Variants in PLCH1 observed in about 807,000 individuals in gnomAD.
PLCH1 encodes 1-phosphatidylinositol 4,5-bisphosphate phosphodiesterase eta-1.
Under a neutral mutation model 126.7 loss-of-function variants are expected in PLCH1, and 60 were observed. The ratio of observed to expected loss-of-function variants is 0.47; its 90% confidence interval spans 0.38 to 0.59. PLCH1 has a LOEUF of 0.59. Among genes scored for constraint, PLCH1 ranks in the 20% least tolerant of loss-of-function variants. The probability of loss-of-function intolerance (pLI) is 0.00; values close to 1 mark genes in which losing one functional copy is unlikely to be tolerated. For synonymous variants in PLCH1, 719 were observed against 734.9 expected (o/e 0.98, Z 0.35); for missense variants, 1,723 against 2,040.0 (o/e 0.84, Z 2.99).
chr3:155,581,376 C>T (rs1453035970), intron 6 of PLCH1, among the ~76,000 whole-genome samples: 3 of 152,138 alleles, frequency 2.0e-5, no homozygotes, highest in Non-Finnish European at 4.4e-5. Flanking sequence ...TTCGTAACAG[C>T]CCCCAAAAAG....
intron 6 of PLCH1, among the ~76,000 whole-genome samples, chr3:155,579,932 C>T (rs1730447676): frequency 6.6e-6 from 1 of 152,150 alleles, no homozygotes; most frequent in Non-Finnish European, 1.5e-5. Context: ...CAGACACATA[C>T]ACACACATGC....
In PLCH1 at chr3:155,598,122, T is replaced by C. The variant is rs185425572; in HGVS notation, c.80-1744A>G. On this transcript the variant is annotated intron_variant, in intron 2 of 22. Transcript: ENST00000460012. ...TTGCTTGAACCCGGGAGAAGGAGGT[T>C]GCAGTGAGGTGAGATCACGCCATTG... 3.0e-3 allele frequency among the ~76,000 whole-genome samples: 450 copies of C among 151,628 alleles called. 2 individuals carry two copies. Among genetic ancestry groups the C allele is most frequent in the South Asian group, 0.019 (93 of 4,802 alleles).
intron 1 of PLCH1, among the ~76,000 whole-genome samples, chr3:155,740,799 C>G (rs1460473243): frequency 6.6e-6 from 1 of 152,170 alleles, no homozygotes; most frequent in East Asian, 1.9e-4. Context: ...CGTTGTCATC[C>G]CCATTCTGCC....
At chr3:155,526,390 T>C (rs959101499) in intron 10 of PLCH1, among the ~76,000 whole-genome samples, 2 of 149,666 alleles carry the variant, frequency 1.3e-5, no homozygotes, top group African/African-American at 5.0e-5. Context: ...TCTCTCTCTC[T>C]TCTTTCTCTC....
intron 3 of PLCH1, among the ~76,000 whole-genome samples, chr3:155,595,652 A>G (rs922565753): frequency 5.9e-5 from 9 of 152,112 alleles, no homozygotes; most frequent in Non-Finnish European, 1.2e-4. Context: ...CTATCATGTG[A>G]CTTCTTGGCC....
intron 18 of PLCH1, among the ~76,000 whole-genome samples, chr3:155,491,611 T>A (rs914752093): frequency 2.0e-5 from 3 of 152,188 alleles, no homozygotes; most frequent in African/African-American, 7.2e-5. Context: ...AAGAATAAAG[T>A]TCTCCTATAT....
At chr3:155,463,551 G>A (rs570024773) in intron 21 of PLCH1, among the ~76,000 whole-genome samples, 2 of 152,204 alleles carry the variant, frequency 1.3e-5, no homozygotes, top group Non-Finnish European at 2.9e-5. Flanking sequence ...CATGACCTTG[G>A]GCAAATCACA....
intron 4 of PLCH1, among the ~76,000 whole-genome samples, chr3:155,586,790 T>G (rs1383659319): frequency 6.6e-6 from 1 of 152,196 alleles, no homozygotes; most frequent in African/African-American, 2.4e-5. Context: ...TCAGACATTC[T>G]TATTCAATCT....
At position 155,738,996 on chromosome 3, in the gene PLCH1, C is replaced by G. The variant is rs1283650840; in HGVS notation, c.-41+5844G>C. Among the ~76,000 whole-genome samples the G allele has an allele frequency of 3.3e-5, 5 of 152,142 alleles. No homozygotes were observed. In the East Asian group the frequency reaches 9.6e-4, roughly 29 times the overall value. On this transcript the variant is annotated intron_variant, in intron 1 of 22. Transcript: ENST00000460012. ...GGTGTCTTAGGTATCCATCGCAACT[C>G]AGCCACCAATTGGCTGTGTGAACGA...
intron 6 of PLCH1, among the ~76,000 whole-genome samples, chr3:155,575,927 C>A (rs779400277): frequency 9.9e-5 from 15 of 152,146 alleles, no homozygotes; most frequent in Non-Finnish European, 1.9e-4. Context: ...ATTACAGGGG[C>A]AAACCACTGG....
At chr3:155,731,959 C>A (rs567461926) in intron 1 of PLCH1, among the ~76,000 whole-genome samples, 1 of 145,482 alleles carries the variant, frequency 6.9e-6, no homozygotes, top group Non-Finnish European at 1.5e-5. Flanking sequence ...CTCTATCCAG[C>A]CTGGGTGACA....
At chr3:155,674,051 T>G (rs898098601) in intron 2 of PLCH1, among the ~76,000 whole-genome samples, 2 of 152,170 alleles carry the variant, frequency 1.3e-5, no homozygotes, top group Admixed American at 1.3e-4. Flanking sequence ...GAAAGTAGTA[T>G]TATCTCTTCT....
intron 19 of PLCH1, 37 bp from the exon 20 acceptor site, chr3:155,488,843 A>C: frequency 6.3e-7 from 1 of 1,577,928 alleles, no homozygotes; most frequent in Non-Finnish European, 8.6e-7. Flanking sequence ...AGAAAAGCAA[A>C]GGACTTGGCT....
At chr3:155,511,593 G>A (rs1425106524) in intron 12 of PLCH1, among the ~76,000 whole-genome samples, 6 of 138,742 alleles carry the variant, frequency 4.3e-5, no homozygotes, top group Non-Finnish European at 9.1e-5. Flanking sequence ...CTCAGCTGCA[G>A]GTCTGTTGGA....
At chr3:155,531,815 C>T (rs575256342) in intron 10 of PLCH1, among the ~76,000 whole-genome samples, 9 of 152,318 alleles carry the variant, frequency 5.9e-5, no homozygotes, top group Non-Finnish European at 7.4e-5. Flanking sequence ...TTTTCTTCTG[C>T]AGCTTCCTCA....
chr3:155,541,167 T>C (rs1576954874), intron 10 of PLCH1, among the ~76,000 whole-genome samples: 1 of 152,130 alleles, frequency 6.6e-6, no homozygotes, highest in East Asian at 1.9e-4. Flanking sequence ...TTCTCACTTA[T>C]AAGTGGGAGC....
intron 1 of PLCH1, among the ~76,000 whole-genome samples, chr3:155,720,501 G>A (rs1453882026): frequency 6.6e-6 from 1 of 151,986 alleles, no homozygotes; most frequent in African/African-American, 2.4e-5. Context: ...TATGTTTGTT[G>A]CCCATTTGTA....
At position 155,473,946 on chromosome 3, in the gene PLCH1, A is replaced by G. The variant is rs1455598509; in HGVS notation, c.2938+11410T>C. On this transcript the variant is annotated intron_variant, in intron 21 of 21. Coordinates refer to the PLCH1 transcript ENST00000494598. ...CAATTCAAGATGGATTAAAGACTTA[A>G]ACGTTAGACCTAAAACCATAAAAAC... Among the ~76,000 whole-genome samples the G allele has an allele frequency of 2.0e-5, 3 of 151,712 alleles. 1 individual carries two copies. The highest frequency in any genetic ancestry group is 7.3e-5 in the African/African-American group (3 of 41,330).
At chr3:155,662,241 C>T (rs1405481564) in intron 2 of PLCH1, among the ~76,000 whole-genome samples, 2 of 152,092 alleles carry the variant, frequency 1.3e-5, no homozygotes, top group African/African-American at 4.8e-5. Flanking sequence ...TCCTTTGAGG[C>T]CAAGAGTTCA....
Sources: gnomAD v4.1 joint callset for allele counts (sites outside exome capture counted in the v4.1 genomes callset) on GRCh38, gnomAD v4.1.1 for gene constraint, MANE v1.5 for transcripts, NCBI Gene and HGNC (gene_info 2026-07-23, HGNC 2026-07-21) for gene names.